Variants in STRN observed in about 807,000 individuals in gnomAD.
STRN encodes striatin.
A neutral mutation model predicts 96.3 loss-of-function variants in STRN; 53 were observed. That is an observed-to-expected ratio of 0.55 (90% CI 0.44 to 0.69). The LOEUF (loss-of-function observed/expected upper bound fraction) is 0.69, where lower values mean the gene tolerates loss of function less well. STRN is among the 30% of genes least tolerant of loss of function. The probability of loss-of-function intolerance (pLI) is 0.00; values close to 1 mark genes in which losing one functional copy is unlikely to be tolerated. For missense variants in STRN, 987 were observed against 963.9 expected (o/e 1.02, Z -0.32); for synonymous variants, 428 against 355.9 (o/e 1.20, Z -2.28).
intron 1 of STRN, among the ~76,000 whole-genome samples, chr2:36,931,579 T>C (rs1035822940): frequency 7.2e-5 from 11 of 152,228 alleles, no homozygotes; most frequent in Non-Finnish European, 1.6e-4. Flanking sequence ...CTGGCAGTTA[T>C]TGGTACTGGG....
chr2:36,938,172 T>C (rs1199397923), intron 1 of STRN, among the ~76,000 whole-genome samples: 2 of 152,100 alleles, frequency 1.3e-5, no homozygotes, highest in Non-Finnish European at 2.9e-5. Context: ...ACACTAGTAA[T>C]ATCAGCATTT....
At chr2:36,898,629 A>G (rs1317010914) in intron 6 of STRN, among the ~76,000 whole-genome samples, 1 of 152,222 alleles carries the variant, frequency 6.6e-6, no homozygotes, top group Admixed American at 6.5e-5. Context: ...ATGGCTATTT[A>G]TAACAATCCT....
intron 1 of STRN, among the ~76,000 whole-genome samples, chr2:36,944,386 G>A (rs1670927192): frequency 6.6e-6 from 1 of 152,148 alleles, no homozygotes; most frequent in Non-Finnish European, 1.5e-5. Context: ...AGGATATTTG[G>A]TAATCTCATA....
intron 1 of STRN, among the ~76,000 whole-genome samples, chr2:36,931,546 T>C (rs1360326802): frequency 6.6e-6 from 1 of 152,222 alleles, no homozygotes; most frequent in Admixed American, 6.5e-5. Flanking sequence ...TTTAACAATA[T>C]TAACTAAACA....
chr2:36,954,088 AAAATC>A (rs1438274370), intron 1 of STRN, among the ~76,000 whole-genome samples: 1 of 152,172 alleles, frequency 6.6e-6, no homozygotes, highest in African/African-American at 2.4e-5. Context: ...AAATAACCTA[AAAATC>A]AAATCAAAGT....
chr2:36,935,865 T>C (rs957348609), intron 1 of STRN, among the ~76,000 whole-genome samples: 1 of 152,210 alleles, frequency 6.6e-6, no homozygotes, highest in African/African-American at 2.4e-5. Context: ...GAAAGTCTGT[T>C]TTTCCTTAAC....
intron 8 of STRN, 38 bp from the exon 9 acceptor site, chr2:36,884,113 G>A (rs1669149891): frequency 4.6e-6 from 6 of 1,309,846 alleles, no homozygotes; most frequent in Non-Finnish European, 9.8e-7. Flanking sequence ...AGATAAAAAA[G>A]AGAAAAGAGA....
rs1417073842 is a variant in STRN, at chr2:36,922,345, C to G, written c.338+2760G>C. On this transcript the variant is annotated intron_variant, in intron 2 of 17. Coordinates refer to ENST00000263918, the MANE Select transcript of STRN (RefSeq NM_003162.4). ...ACCAGCCCTGGGAACAGGGCGAGACCCTGTCTCTCTAAAAAATTAAAAATT... is the reference window on the plus strand; with the variant it reads ...ACCAGCCCTGGGAACAGGGCGAGACGCTGTCTCTCTAAAAAATTAAAAATT... 2.6e-5 allele frequency among the ~76,000 whole-genome samples: 4 copies of G among 151,740 alleles called. No individual in the cohort carries two copies. In the South Asian group the frequency reaches 6.2e-4, roughly 24 times the overall value.
At chr2:36,928,391 C>T (rs1670473475) in intron 1 of STRN, among the ~76,000 whole-genome samples, 1 of 152,184 alleles carries the variant, frequency 6.6e-6, no homozygotes, top group Non-Finnish European at 1.5e-5. Context: ...GTGGCTCACA[C>T]CTGTAATCCC....
intron 1 of STRN, among the ~76,000 whole-genome samples, chr2:36,962,396 T>G (rs1184929415): frequency 6.6e-6 from 1 of 152,152 alleles, no homozygotes. Flanking sequence ...ACATTTTTTA[T>G]TTTTTATTTA....
At chr2:36,929,940 G>A (rs533482887) in intron 1 of STRN, among the ~76,000 whole-genome samples, 2 of 152,302 alleles carry the variant, frequency 1.3e-5, no homozygotes, top group African/African-American at 4.8e-5. Context: ...CAAAGTAAAA[G>A]AGGAAATATA....
intron 6 of STRN, among the ~76,000 whole-genome samples, 189 bp from the exon 7 acceptor site, chr2:36,894,222 T>G (rs1037463512): frequency 6.6e-6 from 1 of 152,230 alleles, no homozygotes; most frequent in African/African-American, 2.4e-5. Flanking sequence ...AATTTAAACT[T>G]TGCTCAACGG....
At chr2:36,887,224 T>C (rs1053705915) in intron 7 of STRN, among the ~76,000 whole-genome samples, 2 of 149,240 alleles carry the variant, frequency 1.3e-5, no homozygotes, top group Admixed American at 6.7e-5. Context: ...AGGTCAGGAG[T>C]TCAAGACCAG....
chr2:36,941,581 T>G (rs555819659), intron 1 of STRN, among the ~76,000 whole-genome samples: 96 of 151,924 alleles, frequency 6.3e-4, no homozygotes, highest in African/African-American at 2.2e-3. Context: ...TGGAGTCTAA[T>G]TCTTGTCACT....
chr2:36,919,776 G>A (rs1024388949), intron 2 of STRN, among the ~76,000 whole-genome samples: 1 of 152,160 alleles, frequency 6.6e-6, no homozygotes, highest in African/African-American at 2.4e-5. Context: ...AGTGAATAGA[G>A]AGAAATTTTA....
chr2:36,950,185 G>C (rs1664717513), intron 1 of STRN, among the ~76,000 whole-genome samples: 1 of 144,500 alleles, frequency 6.9e-6, no homozygotes, highest in Non-Finnish European at 1.5e-5. Context: ...GGTTTCTTTT[G>C]TTGTTACTGG....
intron 6 of STRN, among the ~76,000 whole-genome samples, chr2:36,896,896 A>G (rs2148192412): frequency 6.6e-6 from 1 of 152,310 alleles, no homozygotes; most frequent in South Asian, 2.1e-4. Context: ...GGCCAAGTGC[A>G]GTGACTCACA....
At chr2:36,907,960 C>G (rs13401327) in intron 3 of STRN, among the ~76,000 whole-genome samples, 2 of 151,640 alleles carry the variant, frequency 1.3e-5, no homozygotes, top group Non-Finnish European at 2.9e-5. Flanking sequence ...GCTAATTACT[C>G]TGTGATAACT....
intron 1 of STRN, among the ~76,000 whole-genome samples, chr2:36,950,219 T>TG (rs1664720504): frequency 6.9e-6 from 1 of 145,358 alleles, no homozygotes; most frequent in Admixed American, 6.8e-5. Context: ...TTTTGTTTTT[T>TG]TTTTTTTTTT....
Sources: allele counts gnomAD v4.1 joint callset (sites outside exome capture counted in the v4.1 genomes callset), GRCh38; gene constraint gnomAD v4.1.1; transcripts MANE v1.5; gene names NCBI Gene and HGNC (gene_info 2026-07-23, HGNC 2026-07-21).